Variants in ATP8A2 observed in about 807,000 individuals in gnomAD.
The protein encoded by ATP8A2 is ATPase phospholipid transporting 8A2.
A neutral mutation model predicts 165.6 loss-of-function variants in ATP8A2; 100 were observed. That is an observed-to-expected ratio of 0.60 (90% CI 0.51 to 0.71). ATP8A2 has a LOEUF of 0.71. ATP8A2 is among the 30% of genes least tolerant of loss of function. The pLI is 0.00. For synonymous variants in ATP8A2, 543 were observed against 548.8 expected, an observed-to-expected ratio of 0.99 and a Z score of 0.15; for missense variants, 1,227 against 1,479.5, an observed-to-expected ratio of 0.83 and a Z score of 2.80.
chr13:25,678,195 A>G (rs1018203653), intron 24 of ATP8A2, among the ~76,000 whole-genome samples: 6 of 152,144 alleles, frequency 3.9e-5, no homozygotes, highest in African/African-American at 9.7e-5. Context: ...GATTCTGTTA[A>G]ACACTTGTTG....
intron 7 of ATP8A2, among the ~76,000 whole-genome samples, chr13:25,540,097 C>T (rs560588406): frequency 9.8e-5 from 15 of 152,314 alleles, no homozygotes; most frequent in African/African-American, 2.9e-4. Flanking sequence ...GTGGGGCTTA[C>T]AAAGGCAGAT....
At chr13:25,793,101 CACTG>C (rs1000568191) in intron 27 of ATP8A2, among the ~76,000 whole-genome samples, 3 of 152,094 alleles carry the variant, frequency 2.0e-5, no homozygotes, top group Admixed American at 2.0e-4. Flanking sequence ...CCTTTTCCCA[CACTG>C]ACTGTAAAAA....
At chr13:25,385,543 T>C (rs1250957202) in intron 1 of ATP8A2, among the ~76,000 whole-genome samples, 2 of 152,226 alleles carry the variant, frequency 1.3e-5, no homozygotes, top group Non-Finnish European at 2.9e-5. Context: ...TTGTTATTAT[T>C]TTTAGAATAA....
At chr13:25,535,357 TTTGA>T (rs1341412363) in intron 6 of ATP8A2, among the ~76,000 whole-genome samples, 1 of 152,160 alleles carries the variant, frequency 6.6e-6, no homozygotes, top group Non-Finnish European at 1.5e-5. Context: ...TCTCAGTGGC[TTTGA>T]TTGACTTCGA....
At chr13:25,698,763 A>G (rs1283949581) in intron 24 of ATP8A2, among the ~76,000 whole-genome samples, 6 of 152,212 alleles carry the variant, frequency 3.9e-5, no homozygotes, top group Admixed American at 3.9e-4. Flanking sequence ...CAAAATTAAT[A>G]TTTTGTCATA....
intron 24 of ATP8A2, among the ~76,000 whole-genome samples, chr13:25,677,525 A>G (rs183245387): frequency 1.4e-5 from 2 of 141,842 alleles, no homozygotes; most frequent in Non-Finnish European, 3.0e-5. Context: ...GTGGAGAGAC[A>G]TTTAATTCCC....
chr13:25,667,592 A>T (rs2042180167), intron 24 of ATP8A2, among the ~76,000 whole-genome samples: 1 of 151,964 alleles, frequency 6.6e-6, no homozygotes, highest in African/African-American at 2.4e-5. Flanking sequence ...GATGCCAGGG[A>T]CATGTCCTTG....
chr13:25,682,283 C>T (rs1290540108), intron 24 of ATP8A2, among the ~76,000 whole-genome samples: 1 of 152,010 alleles, frequency 6.6e-6, no homozygotes, highest in Non-Finnish European at 1.5e-5. Flanking sequence ...CGGATCGTGC[C>T]TCCCCCCTCC....
intron 33 of ATP8A2, chr13:25,881,107 T>C (rs1011580153): frequency 6.0e-5 from 17 of 284,806 alleles, no homozygotes; most frequent in Non-Finnish European, 2.8e-5. Context: ...TTTTCAAATA[T>C]ATTAATTTAC....
At chr13:25,837,815 G>C (rs1411982781) in intron 29 of ATP8A2, among the ~76,000 whole-genome samples, 1 of 152,026 alleles carries the variant, frequency 6.6e-6, no homozygotes, top group Non-Finnish European at 1.5e-5. Context: ...TTCTGGACCA[G>C]AGAATCAGAA....
intron 1 of ATP8A2, among the ~76,000 whole-genome samples, chr13:25,386,718 C>T (rs577918111): frequency 6.6e-5 from 10 of 152,182 alleles, no homozygotes; most frequent in Non-Finnish European, 1.0e-4. Context: ...AAACACAGGC[C>T]GGGCACGGAG....
At chr13:25,758,131 C>A (rs1325175900) in intron 25 of ATP8A2, among the ~76,000 whole-genome samples, 1 of 152,330 alleles carries the variant, frequency 6.6e-6, no homozygotes, top group East Asian at 1.9e-4. Context: ...GATTTGGCTT[C>A]TCTGAACAGG....
chr13:25,708,793 A>T (rs2043103408), intron 25 of ATP8A2, among the ~76,000 whole-genome samples: 1 of 152,236 alleles, frequency 6.6e-6, no homozygotes, highest in African/African-American at 2.4e-5. Context: ...AGGAATGTTT[A>T]TACTTTTTTA....
chr13:25,566,686 G>A (rs1351586420), intron 16 of ATP8A2, among the ~76,000 whole-genome samples: 1 of 152,236 alleles, frequency 6.6e-6, no homozygotes, highest in African/African-American at 2.4e-5. Flanking sequence ...GCTAGGAATA[G>A]CAGCAAACTA....
intron 33 of ATP8A2, among the ~76,000 whole-genome samples, chr13:25,885,881 G>A (rs911719225): frequency 3.3e-5 from 5 of 152,088 alleles, no homozygotes; most frequent in African/African-American, 7.2e-5. Flanking sequence ...ACTATTAACC[G>A]TTAATAACCA....
chr13:25,875,813 A>G (rs1445881819), intron 33 of ATP8A2, among the ~76,000 whole-genome samples: 2 of 152,216 alleles, frequency 1.3e-5, no homozygotes, highest in Non-Finnish European at 2.9e-5. Flanking sequence ...TGTTTTGGAG[A>G]TGATATTAAA....
At chr13:25,814,928 G>T (rs1950971903) in intron 27 of ATP8A2, among the ~76,000 whole-genome samples, 1 of 152,204 alleles carries the variant, frequency 6.6e-6, no homozygotes, top group Admixed American at 6.5e-5. Context: ...GATGAGGCGG[G>T]TGCTGAGGTG....
intron 26 of ATP8A2, 92 bp from the exon 27 acceptor site, chr13:25,774,757 A>G (rs563560495): frequency 6.9e-6 from 5 of 724,720 alleles, no homozygotes; most frequent in African/African-American, 5.4e-5. Context: ...CTCTACCTAC[A>G]TTATCTGACT....
chr13:25,952,081 T>C (rs1955382984), intron 33 of ATP8A2, among the ~76,000 whole-genome samples: 1 of 152,144 alleles, frequency 6.6e-6, no homozygotes, highest in Non-Finnish European at 1.5e-5. Context: ...GCAGGTGCTG[T>C]GGGATCGCTT....
Sources: gnomAD v4.1 joint callset for allele counts (sites outside exome capture counted in the v4.1 genomes callset) on GRCh38, gnomAD v4.1.1 for gene constraint, MANE v1.5 for transcripts, NCBI Gene and HGNC (gene_info 2026-07-23, HGNC 2026-07-21) for gene names.